Variants in KRABD2 observed in about 807,000 individuals in gnomAD.
KRABD2 encodes the protein KRAB domain-containing protein 2.
At chr17:8,359,369 A>G in the KRABD2 span, 3 of 350,674 alleles carry the variant, frequency 8.6e-6, no homozygotes, top group Non-Finnish European at 1.7e-5. Flanking sequence ...AGGATGGAGA[A>G]TGTTCAGCAG....
the KRABD2 span, among the ~76,000 whole-genome samples, chr17:8,374,815 G>A: frequency 6.8e-6 from 1 of 148,090 alleles, no homozygotes; most frequent in Non-Finnish European, 1.5e-5. Context: ...GCATGGTGGC[G>A]AGCGCCTGTA....
chr17:8,375,204 G>A, the KRABD2 span, among the ~76,000 whole-genome samples: 1 of 151,762 alleles, frequency 6.6e-6, no homozygotes, highest in Non-Finnish European at 1.5e-5. Flanking sequence ...CTAGAGATGG[G>A]GTTTCACCGT....
the KRABD2 span, chr17:8,359,525 G>A: frequency 2.2e-6 from 1 of 453,318 alleles, no homozygotes; most frequent in East Asian, 7.0e-5. Flanking sequence ...CCAGCATGAT[G>A]CCTGGTACAT....
the KRABD2 span, chr17:8,371,992 A>G: frequency 1.9e-5 from 19 of 985,900 alleles, no homozygotes; most frequent in Non-Finnish European, 2.3e-5. Flanking sequence ...GGGAGTTCAC[A>G]TGAGGACTGC....
chr17:8,376,302 T>G, the KRABD2 span: 1 of 1,225,962 alleles, frequency 8.2e-7, no homozygotes, highest in African/African-American at 1.6e-5. Flanking sequence ...TATCATTTAC[T>G]GACTAAAGCA....
At chr17:8,373,268 C>T in the KRABD2 span, among the ~76,000 whole-genome samples, 9 of 152,350 alleles carry the variant, frequency 5.9e-5, no homozygotes, top group South Asian at 4.1e-4. Context: ...TCACTGCAAC[C>T]TCCCTGCCTG....
At chr17:8,371,571 A>G in the KRABD2 span, 1 of 1,551,460 alleles carries the variant, frequency 6.4e-7, no homozygotes, top group Non-Finnish European at 8.7e-7. Flanking sequence ...TCAGGTGAAT[A>G]AATGGAAGAA....
At chr17:8,369,030 T>A in the KRABD2 span, 2 of 1,481,350 alleles carry the variant, frequency 1.4e-6, no homozygotes, top group Admixed American at 5.1e-5. Context: ...CAACTTGACC[T>A]GAGAGTGCAG....
At chr17:8,375,937 G>A in the KRABD2 span, 1 of 1,230,082 alleles carries the variant, frequency 8.1e-7, no homozygotes, top group Non-Finnish European at 1.0e-6. Context: ...GACTCGGAAT[G>A]TCCTCGCATT....
At chr17:8,360,601 G>C in the KRABD2 span, among the ~76,000 whole-genome samples, 2 of 152,192 alleles carry the variant, frequency 1.3e-5, no homozygotes, top group African/African-American at 4.8e-5. Context: ...GAAGATTCCA[G>C]GGACAAGCTT....
At chr17:8,370,424 T>A in the KRABD2 span, 3 of 1,328,074 alleles carry the variant, frequency 2.3e-6, no homozygotes, top group Non-Finnish European at 3.1e-6. Flanking sequence ...TTAAATTCAC[T>A]GACACTCCCA....
chr17:8,365,397 A>G, the KRABD2 span, among the ~76,000 whole-genome samples: 2 of 152,164 alleles, frequency 1.3e-5, no homozygotes, highest in African/African-American at 4.8e-5. Flanking sequence ...GACCTCCCAG[A>G]CCTGTTAGGC....
At chr17:8,359,245 T>C in the KRABD2 span, among the ~76,000 whole-genome samples, 1 of 152,234 alleles carries the variant, frequency 6.6e-6, no homozygotes, top group Non-Finnish European at 1.5e-5. Flanking sequence ...GTTGTACATG[T>C]ACTGGGGAGG....
At chr17:8,366,835 C>G in the KRABD2 span, among the ~76,000 whole-genome samples, 1 of 152,120 alleles carries the variant, frequency 6.6e-6, no homozygotes, top group African/African-American at 2.4e-5. Flanking sequence ...GATCTTCCTA[C>G]CTCAGGCTCC....
At chr17:8,375,979 C>G in the KRABD2 span, 1 of 1,231,324 alleles carries the variant, frequency 8.1e-7, no homozygotes, top group Non-Finnish European at 1.0e-6. Context: ...CTGAAACCAG[C>G]CTCCTTCCTG....
chr17:8,363,850 TATATATA>T, the KRABD2 span, among the ~76,000 whole-genome samples: 12 of 89,864 alleles, frequency 1.3e-4, no homozygotes, highest in African/African-American at 4.5e-4. Context: ...TATATATATA[TATATATA>T]TATATTTATT....
At chr17:8,363,438 G>A in the KRABD2 span, among the ~76,000 whole-genome samples, 12 of 152,128 alleles carry the variant, frequency 7.9e-5, no homozygotes, top group South Asian at 4.2e-4. Context: ...TGCAACCTCC[G>A]CCTCCTAGAT....
chr17:8,376,233 T>TA, the KRABD2 span: 11 of 1,230,768 alleles, frequency 8.9e-6, no homozygotes, highest in Non-Finnish European at 1.1e-5. Flanking sequence ...AGGTCGTTAT[T>TA]AGCAAGGTAG....
the KRABD2 span, chr17:8,376,303 G>A: frequency 7.3e-6 from 9 of 1,225,680 alleles, no homozygotes; most frequent in Non-Finnish European, 9.1e-6. Flanking sequence ...ATCATTTACT[G>A]ACTAAAGCAA....
Sources: allele counts gnomAD v4.1 joint callset (sites outside exome capture counted in the v4.1 genomes callset), GRCh38; gene constraint gnomAD v4.1.1; transcripts MANE v1.5; gene names NCBI Gene and HGNC (gene_info 2026-07-23, HGNC 2026-07-21).